Variants in LEKR1 observed in about 807,000 individuals in gnomAD.
LEKR1 encodes the protein leucine, glutamate and lysine rich 1.
A neutral mutation model predicts 72.4 loss-of-function variants in LEKR1; 59 were observed. That is an observed-to-expected ratio of 0.82 (90% CI 0.66 to 1.01). LEKR1 has a LOEUF of 1.01. LEKR1 is among the 50% of genes least tolerant of loss of function. The probability of loss-of-function intolerance (pLI) is 0.00; values close to 1 mark genes in which losing one functional copy is unlikely to be tolerated. For missense variants in LEKR1, 728 were observed against 759.2 expected, an observed-to-expected ratio of 0.96 and a Z score of 0.48; for synonymous variants, 257 against 263.2, an observed-to-expected ratio of 0.98 and a Z score of 0.23.
rs752278414 is a variant in LEKR1 at position 156,993,177 on chromosome 3, G to A, written c.1009G>A (p.Asp337Asn). The A allele has an allele frequency of 1.9e-6, 3 of 1,611,790 alleles. No homozygotes were observed. The highest frequency in any genetic ancestry group is 2.5e-6 in the Non-Finnish European group (3 of 1,178,360). Residue 337 changes from aspartate (D) to asparagine (N), a missense_variant, in exon 9 of 13, where the codon GAC (aspartate) becomes AAC (asparagine). Transcript: ENST00000356539. ...GACTGTGAAAGAAAAGCAAGAAGAA[G>A]ACATAAAGAGAAGAATTAACCTTGC... ...ELTVKEKQEEDIKRRINLAEN... is the reference protein window; with the variant it reads ...ELTVKEKQEENIKRRINLAEN...
chr3:156,905,797 AC>A (rs762724075), intron 3 of LEKR1, among the ~76,000 whole-genome samples: 1 of 152,200 alleles, frequency 6.6e-6, no homozygotes, highest in Non-Finnish European at 1.5e-5. Context: ...TATAGAAGCC[AC>A]TTCTCATAAT....
chr3:156,998,260 T>A (rs73873766), intron 9 of LEKR1, among the ~76,000 whole-genome samples: 1,754 of 152,016 alleles, frequency 0.012, 37 homozygotes, highest in African/African-American at 0.041. Context: ...CCTAATTCCA[T>A]CCTTAGGGAA....
At chr3:156,985,979 A>C (rs1180922513) in intron 7 of LEKR1, among the ~76,000 whole-genome samples, 1 of 152,158 alleles carries the variant, frequency 6.6e-6, no homozygotes, top group Non-Finnish European at 1.5e-5. Flanking sequence ...GAGTATGAAA[A>C]CAGAGATTGC....
intron 6 of LEKR1, among the ~76,000 whole-genome samples, chr3:156,952,571 G>A (rs1727260447): frequency 6.6e-6 from 1 of 151,332 alleles, no homozygotes; most frequent in South Asian, 2.1e-4. Context: ...AAGTATGATA[G>A]CAGATTGGGT....
At chr3:157,041,747 A>G (rs919482642) in intron 12 of LEKR1, among the ~76,000 whole-genome samples, 1 of 151,978 alleles carries the variant, frequency 6.6e-6, no homozygotes, top group Non-Finnish European at 1.5e-5. Context: ...AATTTTATCT[A>G]AAACATAGAA....
intron 9 of LEKR1, among the ~76,000 whole-genome samples, chr3:157,006,150 C>T (rs907996788): frequency 5.3e-5 from 8 of 151,920 alleles, no homozygotes; most frequent in East Asian, 3.9e-4. Flanking sequence ...GGACTACAGG[C>T]GCCCGCCACC....
chr3:156,978,767 T>C (rs1355211966), intron 6 of LEKR1, among the ~76,000 whole-genome samples: 1 of 152,170 alleles, frequency 6.6e-6, no homozygotes, highest in African/African-American at 2.4e-5. Flanking sequence ...GATTTGTCTG[T>C]TTTAGTTCTA....
At chr3:156,847,736 T>A (rs1041181297) in intron 2 of LEKR1, among the ~76,000 whole-genome samples, 1 of 152,220 alleles carries the variant, frequency 6.6e-6, no homozygotes, top group Admixed American at 6.5e-5. Flanking sequence ...ACTTAATGAT[T>A]CAGGTAAAGT....
intron 9 of LEKR1, among the ~76,000 whole-genome samples, chr3:156,994,478 C>G (rs1392243833): frequency 1.3e-5 from 2 of 152,096 alleles, no homozygotes; most frequent in Non-Finnish European, 2.9e-5. Flanking sequence ...TATCCCCCCA[C>G]CATTTACTCT....
intron 6 of LEKR1, among the ~76,000 whole-genome samples, chr3:156,967,923 T>C (rs1365603765): frequency 6.6e-6 from 1 of 152,068 alleles, no homozygotes; most frequent in Non-Finnish European, 1.5e-5. Flanking sequence ...TAACAGCAGA[T>C]CTCTCAGCAG....
At chr3:156,992,188 C>G (rs576941581) in intron 7 of LEKR1, among the ~76,000 whole-genome samples, 1 of 152,290 alleles carries the variant, frequency 6.6e-6, no homozygotes, top group Non-Finnish European at 1.5e-5. Flanking sequence ...TGTGGTTGCC[C>G]CAAATACCAT....
At chr3:156,875,226 A>G (rs1435480595) in intron 3 of LEKR1, among the ~76,000 whole-genome samples, 1 of 152,184 alleles carries the variant, frequency 6.6e-6, no homozygotes, top group African/African-American at 2.4e-5. Flanking sequence ...CGGCCATTCT[A>G]TCAGGAATAA....
At chr3:156,986,488 A>C (rs1730699593) in intron 7 of LEKR1, among the ~76,000 whole-genome samples, 1 of 152,194 alleles carries the variant, frequency 6.6e-6, no homozygotes, top group Non-Finnish European at 1.5e-5. Flanking sequence ...GTCAGAGGTC[A>C]ATCTGATTTA....
chr3:156,873,256 C>T (rs1718174291), intron 3 of LEKR1, among the ~76,000 whole-genome samples: 2 of 151,710 alleles, frequency 1.3e-5, no homozygotes, highest in Admixed American at 6.6e-5. Flanking sequence ...TTTTGGTTTC[C>T]CTTTGCATGG....
chr3:156,955,492 G>T (rs950646273), intron 6 of LEKR1, among the ~76,000 whole-genome samples: 9 of 151,690 alleles, frequency 5.9e-5, no homozygotes, highest in African/African-American at 2.2e-4. Flanking sequence ...TGTCATATAT[G>T]GCTCTTATTA....
intron 6 of LEKR1, among the ~76,000 whole-genome samples, chr3:156,972,809 A>C (rs1025964034): frequency 1.3e-4 from 19 of 151,712 alleles, no homozygotes; most frequent in Non-Finnish European, 2.4e-4. Context: ...AATAGTGAAA[A>C]AATAAGACAG....
chr3:156,840,803 G>A (rs1193531315), intron 2 of LEKR1, among the ~76,000 whole-genome samples: 1 of 152,146 alleles, frequency 6.6e-6, no homozygotes, highest in Non-Finnish European at 1.5e-5. Flanking sequence ...TTTTAAGTTA[G>A]GTGTAAAAGA....
rs6810387 is a variant in LEKR1, at chr3:157,044,058, G to T, written c.1669-1282G>T. Among the ~76,000 whole-genome samples the T allele has an allele frequency of 4.2e-3, 647 of 152,312 alleles. 2 individuals are homozygous for T. Among genetic ancestry groups the T allele is most frequent in the African/African-American group, 0.015 (622 of 41,568 alleles). The stretch of plus-strand genomic sequence containing the variant: ...AACTCAAAAACAGGAAGATACTACT[G>T]TCCCTGGTGCTTTGTTATTTAGTTC... On this transcript the variant is annotated intron_variant, in intron 12 of 12. Transcript: ENST00000356539.
At chr3:156,969,299 C>CA (rs558371841) in intron 6 of LEKR1, among the ~76,000 whole-genome samples, 42 of 152,092 alleles carry the variant, frequency 2.8e-4, no homozygotes, top group African/African-American at 9.6e-4. Flanking sequence ...AGTAGAGACA[C>CA]AAAAAACCCT....
Sources: gnomAD v4.1 joint callset for allele counts (sites outside exome capture counted in the v4.1 genomes callset) on GRCh38, gnomAD v4.1.1 for gene constraint, MANE v1.5 for transcripts, NCBI Gene and HGNC (gene_info 2026-07-23, HGNC 2026-07-21) for gene names.